The following BBS2 variants were observed in gnomAD, a reference collection of about 807,000 sequenced individuals.
BBS2 encodes the protein BBSome complex member BBS2.
In BBS2, 62 loss-of-function variants were observed where a neutral mutation model predicts 83.0. The ratio of observed to expected loss-of-function variants is 0.75; its 90% CI spans 0.61 to 0.92. The LOEUF (loss-of-function observed/expected upper bound fraction) is 0.92, where lower values mean the gene tolerates loss of function less well. Among genes scored for constraint, BBS2 ranks in the 40% least tolerant of loss-of-function variants. The pLI, the probability that BBS2 is intolerant of heterozygous loss-of-function variation, is 0.00. For missense variants in BBS2, 784 were observed against 901.0 expected (o/e 0.87, Z 1.66); for synonymous variants, 303 against 326.1 (o/e 0.93, Z 0.76).
intron 17 of BBS2, among the ~76,000 whole-genome samples, chr16:56,471,234 C>T (rs1373664012): frequency 2.6e-5 from 4 of 151,108 alleles, no homozygotes; most frequent in Admixed American, 1.3e-4. Flanking sequence ...TGGTGGTGAA[C>T]GCCTGTAATC....
chr16:56,476,689 C>T (rs7198524), intron 17 of BBS2: 104,717 of 152,814 alleles, frequency 0.69, 37,763 homozygotes, highest in African/African-American at 0.92. Context: ...ACAGCCATAC[C>T]TTTTGTCTCT....
exon 18 of BBS2, chr16:56,470,450 T>C: frequency 1.9e-6 from 3 of 1,546,946 alleles, no homozygotes; most frequent in Non-Finnish European, 2.6e-6. Flanking sequence ...TTTACATCTG[T>C]GGCTTTGATG....
downstream of BBS2, among the ~76,000 whole-genome samples, chr16:56,481,904 C>T (rs1963669133): frequency 6.6e-6 from 1 of 152,190 alleles, no homozygotes; most frequent in Non-Finnish European, 1.5e-5. Context: ...GCTTACCCAG[C>T]TGTGGGACCC....
downstream of BBS2, among the ~76,000 whole-genome samples, chr16:56,480,376 A>AAAAAAAAAAAAAAAAAAAC (rs1555519799): frequency 7.0e-6 from 1 of 142,398 alleles, no homozygotes; most frequent in African/African-American, 2.6e-5. Context: ...CAAAAAAAAA[A>AAAAAAAAAAAAAAAAAAAC]ACAAAGCTTG....
chr16:56,504,977 C>T (rs1964383950), intron 7 of BBS2, among the ~76,000 whole-genome samples: 1 of 152,162 alleles, frequency 6.6e-6, no homozygotes, highest in South Asian at 2.1e-4. Context: ...CCCCTTCCAC[C>T]CTGTAAGGCT....
Position 56,501,474 on chromosome 16 carries a change from G to C in BBS2, c.1104C>G (p.Asn368Lys). Residue 368 changes from asparagine to lysine, a missense_variant, in exon 10 of 17, where the codon AAC (asparagine) becomes AAG (lysine). Asn to Lys is a moderately conservative substitution (Grantham distance 94). Transcript: ENST00000245157. Reference protein sequence around the residue: ...NAKAELASPLNEADGHRGIIP... With the variant: ...NAKAELASPLKEADGHRGIIP... ...TTATGCCCCGATGCCCATCAGCCTC[G>C]TTCAGTGGACTGGCCAATTCAGCCT... 1 of 1,614,042 alleles carries C rather than the reference G, an allele frequency of 6.2e-7. No individual in the cohort carries two copies. The highest frequency in any genetic ancestry group is 1.1e-5 in the South Asian group (1 of 91,070).
intron 11 of BBS2, chr16:56,500,358 G>A (rs1964232500): frequency 3.9e-6 from 1 of 253,978 alleles, no homozygotes; most frequent in South Asian, 4.5e-5. Flanking sequence ...AGGCGTGGTG[G>A]CTCATGCCTG....
intron 13 of BBS2, 139 bp downstream of exon 13, chr16:56,498,298 A>G: frequency 8.9e-7 from 1 of 1,126,318 alleles, no homozygotes; most frequent in Non-Finnish European, 1.3e-6. Context: ...TATGACCTTG[A>G]CATTGATGTC....
At chr16:56,487,397 T>C (rs1331560415) in intron 15 of BBS2, among the ~76,000 whole-genome samples, 1 of 152,070 alleles carries the variant, frequency 6.6e-6, no homozygotes, top group Non-Finnish European at 1.5e-5. Flanking sequence ...GGGCACATTA[T>C]AAAATCAACA....
At chr16:56,513,330 A>T (rs1964632370) in intron 2 of BBS2, among the ~76,000 whole-genome samples, 2 of 152,218 alleles carry the variant, frequency 1.3e-5, no homozygotes, top group African/African-American at 4.8e-5. Context: ...ACATTAACAC[A>T]ATGAAATACT....
chr16:56,474,780 C>G (rs1202938465), intron 17 of BBS2: 3 of 1,519,780 alleles, frequency 2.0e-6, no homozygotes, highest in Admixed American at 3.8e-5. Context: ...TCCAACAGTT[C>G]TATCAAGGTT....
chr16:56,495,766 A>ATG lies in BBS2; in HGVS notation c.1910+1199_1910+1200dup, dbSNP rs34446691. On this transcript the variant is annotated intron_variant, in intron 15 of 16. Transcript: ENST00000245157. ...GATTTTTATACAGACGTGTGTATAT[A>ATG]TGTGTGTGTGTGTGTGTGTGTGTGT... Among the ~76,000 whole-genome samples the ATG allele has an allele frequency of 7.6e-3, 1,129 of 149,308 alleles. 3 individuals are homozygous for ATG. Among genetic ancestry groups the ATG allele is most frequent in the African/African-American group, 0.02 (828 of 40,696 alleles).
chr16:56,494,037 C>T (rs1264766634), intron 15 of BBS2, among the ~76,000 whole-genome samples: 3 of 151,986 alleles, frequency 2.0e-5, no homozygotes, highest in Non-Finnish European at 4.4e-5. Context: ...TAGCTCACTG[C>T]AGCCTCAAAC....
At chr16:56,519,000 A>C (rs1438462216) in intron 1 of BBS2, among the ~76,000 whole-genome samples, 2 of 152,186 alleles carry the variant, frequency 1.3e-5, no homozygotes, top group Non-Finnish European at 2.9e-5. Context: ...TGAATAAGTT[A>C]ATTTTTGTAT....
Position 56,498,566 on chromosome 16 carries a change from A to G in BBS2, c.1530T>C (p.Val510=). ...NFTIAERAQR[V]VVWLGQNFLL... is the part of the protein sequence containing the mutation. ...GAAAGTTCTGACCGAGCCATACAAC[A>G]ACCTTGAAAATGAACACAATGAAAT... Residue 510 remains valine, a splice_region_variant and synonymous_variant, in exon 13 of 17, where the codon GTT becomes GTC. Transcript: ENST00000245157. 2 of 1,614,080 alleles carry G rather than the reference A, an allele frequency of 1.2e-6. No individual in the cohort carries two copies. The highest frequency in any genetic ancestry group is 1.7e-6 in the Non-Finnish European group (2 of 1,180,004).
intron 1 of BBS2, among the ~76,000 whole-genome samples, chr16:56,518,047 C>T (rs965692343): frequency 1.2e-4 from 19 of 152,064 alleles, no homozygotes; most frequent in African/African-American, 4.3e-4. Flanking sequence ...GAACTCCTGA[C>T]CTCAGATGAT....
chr16:56,495,785 T>A (rs2144126536), intron 15 of BBS2, among the ~76,000 whole-genome samples: 1 of 151,764 alleles, frequency 6.6e-6, no homozygotes, highest in South Asian at 2.1e-4. Context: ...TGTGTGTGTG[T>A]GTGTGTATAT....
chr16:56,485,810 C>A, intron 15 of BBS2, 72 bp from the exon 16 acceptor site: 1 of 1,415,160 alleles, frequency 7.1e-7, no homozygotes, highest in Non-Finnish European at 1.0e-6. Context: ...TTGCAAATTT[C>A]TTAGACATAC....
chr16:56,511,313 T>C, intron 2 of BBS2, 29 bp from the exon 3 acceptor site: 1 of 1,612,644 alleles, frequency 6.2e-7, no homozygotes, highest in Non-Finnish European at 8.5e-7. Flanking sequence ...CACATTATCT[T>C]AGACACGATA....
Sources: allele counts gnomAD v4.1 joint callset (sites outside exome capture counted in the v4.1 genomes callset), GRCh38; gene constraint gnomAD v4.1.1; transcripts MANE v1.5; gene names NCBI Gene and HGNC (gene_info 2026-07-23, HGNC 2026-07-21).